The following SMPX variants were observed in gnomAD, a reference collection of about 807,000 sequenced individuals.
SMPX encodes the protein small muscular protein.
Under a neutral mutation model 6.3 loss-of-function variants are expected in SMPX, and 2 were observed. The observed-to-expected ratio is 0.32, with a 90% CI of 0.13 to 0.99. SMPX has a LOEUF of 0.99. Among genes scored for constraint, SMPX ranks in the 50% least tolerant of loss-of-function variants. The pLI is 0.49. For synonymous variants in SMPX, 32 were observed against 24.7 expected, an observed-to-expected ratio of 1.30 and a Z score of -0.88; for missense variants, 60 against 66.8, an observed-to-expected ratio of 0.90 and a Z score of 0.36.
At chrX:21,721,610 TC>T (rs1461236585) in intron 4 of SMPX, among the ~76,000 whole-genome samples, 4 of 112,173 alleles carry the variant, frequency 3.6e-5, no homozygotes, top group Admixed American at 1.9e-4. Flanking sequence ...ACATACCCAT[TC>T]CCAGGCCTAT....
intron 2 of SMPX, 50 bp from the exon 3 acceptor site, chrX:21,743,886 A>T (rs752541491): frequency 1.1e-6 from 1 of 926,562 alleles, no homozygotes; most frequent in Admixed American, 2.2e-5. Flanking sequence ...AAGAAATTGC[A>T]ATGACATTCT....
At chrX:21,714,848 G>A (rs1321111743) in intron 4 of SMPX, among the ~76,000 whole-genome samples, 1 of 112,214 alleles carries the variant, frequency 8.9e-6, no homozygotes, top group Non-Finnish European at 1.9e-5. Flanking sequence ...GTCTATTAAG[G>A]TGTTAGCATT....
At chrX:21,743,925 C>G in intron 2 of SMPX, 89 bp from the exon 3 acceptor site, 1 of 698,656 alleles carries the variant, frequency 1.4e-6, no homozygotes. Context: ...AAGAAAAATG[C>G]GTCTGAAAAG....
chrX:21,717,474 A>T (rs1415037232), intron 4 of SMPX, among the ~76,000 whole-genome samples: 1 of 112,572 alleles, frequency 8.9e-6, no homozygotes, highest in Non-Finnish European at 1.9e-5. Context: ...TACAGGGGCC[A>T]TTTTTAGAAA....
Position 21,743,793 on chromosome X carries a change from C to T in SMPX, c.89G>A (p.Gly30Asp). Residue 30 changes from glycine to aspartate, a missense_variant, in exon 3 of 5, where the codon GGT (glycine) becomes GAT (aspartate). Coordinates refer to ENST00000379494, the MANE Select transcript of SMPX (RefSeq NM_014332.3). ...IPMGAFRPGA[G>D]QPPRRKECTP... ...ACATTCTTTTCTTCTGGGGGGTTGA[C>T]CTGCTCCTGGCCGAAAGGCTCCCAT... 8.3e-7 allele frequency: 1 copy of T among 1,209,970 alleles called. No individual in the cohort carries two copies. The highest frequency in any genetic ancestry group is 1.1e-6 in the Non-Finnish European group (1 of 894,150).
intron 3 of SMPX, 62 bp downstream of exon 3, chrX:21,743,688 C>G (rs1345873912): frequency 2.0e-6 from 2 of 1,003,879 alleles, no homozygotes; most frequent in African/African-American, 3.8e-5. Context: ...CCTCTGCCCC[C>G]TCTGGTGAGG....
chrX:21,743,192 A>G (rs755271532), intron 3 of SMPX, among the ~76,000 whole-genome samples: 2 of 111,787 alleles, frequency 1.8e-5, no homozygotes, highest in South Asian at 7.8e-4. Context: ...CCCCTTTTCA[A>G]AGGAAACATT....
intron 4 of SMPX, among the ~76,000 whole-genome samples, chrX:21,725,701 G>A (rs1054588518): frequency 1.1e-4 from 12 of 112,331 alleles, no homozygotes; most frequent in Admixed American, 9.4e-5. Context: ...GACAGTTGCA[G>A]GTTAGAAATC....
intron 4 of SMPX, among the ~76,000 whole-genome samples, chrX:21,711,043 C>T (rs924349091): frequency 4.5e-5 from 5 of 111,916 alleles, no homozygotes; most frequent in African/African-American, 1.6e-4. Flanking sequence ...TGCCTGGAAA[C>T]AGGAATGCAC....
intron 4 of SMPX, among the ~76,000 whole-genome samples, chrX:21,731,131 A>C (rs1238160641): frequency 9.1e-6 from 1 of 110,438 alleles, no homozygotes; most frequent in African/African-American, 3.3e-5. Flanking sequence ...CCTTTGACTC[A>C]TTGGTTATTT....
At chrX:21,710,904 C>G (rs948559645) in intron 4 of SMPX, among the ~76,000 whole-genome samples, 4 of 112,075 alleles carry the variant, frequency 3.6e-5, no homozygotes, top group Non-Finnish European at 7.5e-5. Flanking sequence ...CCTGATTCTT[C>G]TTTGCAGAAG....
chrX:21,756,026 C>A (rs1295045504), intron 1 of SMPX, among the ~76,000 whole-genome samples: 1 of 112,157 alleles, frequency 8.9e-6, no homozygotes, highest in Non-Finnish European at 1.9e-5. Context: ...CAGCTTAATT[C>A]CAAAAAGAAA....
At chrX:21,748,006 C>T (rs374089284) in intron 2 of SMPX, among the ~76,000 whole-genome samples, 6 of 111,961 alleles carry the variant, frequency 5.4e-5, no homozygotes, top group South Asian at 7.4e-4. Context: ...ATTCTCTGAA[C>T]GGAGCAAGAT....
chrX:21,733,413 C>A (rs761729077), intron 4 of SMPX, among the ~76,000 whole-genome samples: 2 of 112,294 alleles, frequency 1.8e-5, no homozygotes, highest in East Asian at 5.6e-4. Context: ...CAACCAAAAC[C>A]TACTAAGTGA....
intron 1 of SMPX, among the ~76,000 whole-genome samples, chrX:21,755,567 C>T (rs1166346694): frequency 8.9e-6 from 1 of 112,312 alleles, no homozygotes; most frequent in Non-Finnish European, 1.9e-5. Flanking sequence ...GTACTCATCT[C>T]CAGCTTTAAG....
At chrX:21,715,351 A>G (rs1430958772) in intron 4 of SMPX, among the ~76,000 whole-genome samples, 2 of 110,128 alleles carry the variant, frequency 1.8e-5, no homozygotes. Context: ...TAAACCACCT[A>G]GAATGGGTGT....
At chrX:21,735,107 C>G (rs1243188616) in intron 4 of SMPX, among the ~76,000 whole-genome samples, 1 of 111,411 alleles carries the variant, frequency 9.0e-6, no homozygotes, top group Non-Finnish European at 1.9e-5. Context: ...ATCAATCCAA[C>G]CAGTGAAGGG....
rs753489591 is a variant in SMPX, at chrX:21,713,880, C to G, written c.*15-7486G>C. ...TTCATGCATTTGTTCTAATGAACACCAAAATTTCACTTAAAAATATGTCTT... is the reference window on the plus strand; with the variant it reads ...TTCATGCATTTGTTCTAATGAACACGAAAATTTCACTTAAAAATATGTCTT... On this transcript the variant is annotated intron_variant, in intron 4 of 4. Coordinates refer to ENST00000379494, the MANE Select transcript of SMPX (RefSeq NM_014332.3). 4.5e-5 allele frequency among the ~76,000 whole-genome samples: 5 copies of G among 112,074 alleles called. No individual in the cohort carries two copies. The East Asian group carries it at 1.1e-3, about 25-fold the overall frequency.
chrX:21,754,360 T>C, intron 1 of SMPX, 58 bp from the exon 2 acceptor site: 7 of 910,417 alleles, frequency 7.7e-6, no homozygotes, highest in Non-Finnish European at 1.1e-5. Flanking sequence ...TCAGTCTTGA[T>C]AAATTAGAAT....
Sources: allele counts gnomAD v4.1 joint callset (sites outside exome capture counted in the v4.1 genomes callset), GRCh38; gene constraint gnomAD v4.1.1; transcripts MANE v1.5; gene names NCBI Gene and HGNC (gene_info 2026-07-23, HGNC 2026-07-21).